Variants in ZMYND8 observed in about 807,000 individuals in gnomAD.
ZMYND8 encodes the protein zinc finger MYND-type containing 8.
A neutral mutation model predicts 140.8 loss-of-function variants in ZMYND8; 37 were observed. That is an observed-to-expected ratio of 0.26 (90% CI 0.20 to 0.35). ZMYND8 has a LOEUF of 0.35. Ranked by LOEUF, ZMYND8 falls within the 10% of genes least tolerant of loss-of-function variation. ZMYND8 has a pLI of 1.00. For synonymous variants in ZMYND8, 592 were observed against 597.1 expected (o/e 0.99, Z 0.12); for missense variants, 1,068 against 1,570.0 (o/e 0.68, Z 5.40).
In ZMYND8 at chr20:47,329,647, A is replaced by G. The variant is rs764603282; in HGVS notation, c.85+18209T>C. On this transcript the variant is annotated intron_variant, in intron 2 of 22. Coordinates refer to ENST00000471951, the MANE Select transcript of ZMYND8 (RefSeq NM_001281775.3). ...TCAAACTCCCAACCTCAGGTGATCCACCCACCTTGCCCTCCCAAAGTGCTG... is the reference window on the plus strand; with the variant it reads ...TCAAACTCCCAACCTCAGGTGATCCGCCCACCTTGCCCTCCCAAAGTGCTG... 4.3e-4 allele frequency among the ~76,000 whole-genome samples: 66 copies of G among 151,932 alleles called. 1 individual carries two copies. The highest frequency in any genetic ancestry group is 8.8e-4 in the Non-Finnish European group (60 of 67,944).
chr20:47,233,771 A>T (rs1338699997), intron 16 of ZMYND8, among the ~76,000 whole-genome samples: 1 of 152,322 alleles, frequency 6.6e-6, no homozygotes, highest in African/African-American at 2.4e-5. Flanking sequence ...ACACTTCATC[A>T]ATTTGTCAAG....
intron 12 of ZMYND8, among the ~76,000 whole-genome samples, chr20:47,256,591 G>C (rs183092436): frequency 3.7e-4 from 57 of 152,330 alleles, no homozygotes; most frequent in African/African-American, 1.4e-3. Flanking sequence ...CTGCACTCCA[G>C]CGTGGGCGAC....
intron 3 of ZMYND8, among the ~76,000 whole-genome samples, chr20:47,299,530 A>G (rs1368912982): frequency 6.6e-6 from 1 of 152,158 alleles, no homozygotes; most frequent in Non-Finnish European, 1.5e-5. Context: ...TAGAGAATAG[A>G]TCAATAGGGT....
At position 47,236,366 on chromosome 20, in the gene ZMYND8, G is replaced by A; in HGVS notation, c.2816C>T (p.Ser939Leu). Residue 939 changes from serine to leucine, a missense_variant, in exon 16 of 23, where the codon TCA (serine) becomes TTA (leucine). Physicochemically the swap from Ser to Leu is moderately radical, Grantham distance 145. Coordinates refer to ENST00000471951, the MANE Select transcript of ZMYND8 (RefSeq NM_001281775.3). ...GGCAATATCAGCGGCGACATCAGCT[G>A]AGGCAGTGGCGATGGGCAGGTCAGC... ...VNADLPIATA[S>L]ADVAADIAKY... 1 of 1,614,228 alleles carries A rather than the reference G, an allele frequency of 6.2e-7. No homozygotes were observed. The highest frequency in any genetic ancestry group is 8.5e-7 in the Non-Finnish European group (1 of 1,180,046).
intron 12 of ZMYND8, among the ~76,000 whole-genome samples, chr20:47,252,818 C>T (rs574063868): frequency 2.2e-4 from 33 of 152,166 alleles, no homozygotes; most frequent in African/African-American, 7.7e-4. Context: ...ACTCAGGAGG[C>T]TAAGGTGGGA....
In ZMYND8 at chr20:47,221,452, C is replaced by T. The variant is rs1242707414; in HGVS notation, c.3279G>A (p.Ala1093=). 2.5e-6 allele frequency: 4 copies of T among 1,613,932 alleles called. No individual in the cohort carries two copies. Among genetic ancestry groups the T allele is most frequent in the Admixed American group, 1.7e-5 (1 of 59,990 alleles). ...TQSATAPQQE[A]DAEVNTETLN... ...GTGTTTCTGTGTTCACCTCAGCATC[C>T]GCTTCCTGCTGAGGAGCAGTAGCTG... is the stretch of plus-strand genomic sequence containing the variant. The change falls in exon 20 of 23, where the codon GCG becomes GCA. Residue 1093 remains alanine (A), a synonymous_variant. Transcript: ENST00000471951.
chr20:47,276,942 G>A, intron 10 of ZMYND8, 147 bp from the exon 11 acceptor site: 1 of 848,422 alleles, frequency 1.2e-6, no homozygotes, highest in Non-Finnish European at 1.6e-6. Flanking sequence ...TGGTTTGAAG[G>A]ATTAATTAAT....
intron 12 of ZMYND8, among the ~76,000 whole-genome samples, chr20:47,253,998 G>A (rs994821897): frequency 6.6e-5 from 10 of 152,206 alleles, no homozygotes; most frequent in South Asian, 2.1e-4. Flanking sequence ...GAGTTTAGCC[G>A]AATGTAATGA....
intron 10 of ZMYND8, among the ~76,000 whole-genome samples, chr20:47,281,147 A>G (rs943254029): frequency 7.9e-5 from 12 of 152,194 alleles, no homozygotes; most frequent in African/African-American, 2.9e-4. Context: ...TCAAGGTGCA[A>G]TACTTCCTAC....
At chr20:47,238,579 G>T in intron 15 of ZMYND8, 179 bp downstream of exon 15, 1 of 1,191,660 alleles carries the variant, frequency 8.4e-7, no homozygotes, top group Non-Finnish European at 1.1e-6. Flanking sequence ...AAGTAAAAAA[G>T]CAAGTAGCAA....
chr20:47,243,711 T>C (rs2040224821), intron 14 of ZMYND8, among the ~76,000 whole-genome samples: 3 of 152,250 alleles, frequency 2.0e-5, no homozygotes, highest in Non-Finnish European at 4.4e-5. Flanking sequence ...CTTGTCAATC[T>C]GTTGCAAATT....
chr20:47,281,494 C>G (rs1383223422), intron 10 of ZMYND8, among the ~76,000 whole-genome samples: 3 of 152,186 alleles, frequency 2.0e-5, no homozygotes, highest in African/African-American at 4.8e-5. Context: ...ACCTGTTGTT[C>G]TCAAGCACAC....
intron 2 of ZMYND8, among the ~76,000 whole-genome samples, chr20:47,311,638 C>T (rs562688962): frequency 6.7e-6 from 1 of 150,362 alleles, no homozygotes; most frequent in African/African-American, 2.5e-5. Context: ...AAAGTTTTCA[C>T]GAACAATGGC....
At chr20:47,353,185 T>C (rs961860825) in intron 1 of ZMYND8, 1 of 152,142 alleles carries the variant, frequency 6.6e-6, no homozygotes, top group Non-Finnish European at 1.5e-5. Flanking sequence ...GTCACCCCAC[T>C]TCCTAAAAAG....
intron 21 of ZMYND8, among the ~76,000 whole-genome samples, chr20:47,214,269 A>G (rs950959744): frequency 1.3e-5 from 2 of 152,254 alleles, no homozygotes; most frequent in East Asian, 3.8e-4. Context: ...ACCTGTCAAC[A>G]CAAACTGCTT....
rs1028636735 is a variant in ZMYND8, at chr20:47,291,820, T to C, written c.636A>G (p.Pro212=). 1 of 1,613,040 alleles carries C rather than the reference T, an allele frequency of 6.2e-7. No individual in the cohort carries two copies. Among genetic ancestry groups the C allele is most frequent in the African/African-American group, 1.3e-5 (1 of 74,884 alleles). Residue 212 remains proline, a synonymous_variant, in exon 6 of 23, where the codon CCA becomes CCG. Coordinates refer to ENST00000471951, the MANE Select transcript of ZMYND8 (RefSeq NM_001281775.3). ...HPDYAEYIFH[P]MDLCTLEKNA... The stretch of plus-strand genomic sequence containing the variant: ...CCTTTTCCAATGTACAAAGGTCCAT[T>C]GGATGGAAGATGTATTCCGCATAGT...
At chr20:47,309,857 A>C (rs931791144) in intron 3 of ZMYND8, among the ~76,000 whole-genome samples, 199 bp downstream of exon 3, 7 of 152,056 alleles carry the variant, frequency 4.6e-5, no homozygotes, top group Admixed American at 4.6e-4. Context: ...TCTGTCCCCG[A>C]AACAGATCTG....
At chr20:47,300,348 G>A (rs1351659896) in intron 3 of ZMYND8, among the ~76,000 whole-genome samples, 5 of 152,044 alleles carry the variant, frequency 3.3e-5, no homozygotes, top group South Asian at 2.1e-4. Flanking sequence ...CCCTACCCTC[G>A]AATAAATCTC....
chr20:47,266,815 C>CTG lies in ZMYND8; in HGVS notation c.1481-4389_1481-4388dup, dbSNP rs149463962. ...CTATTCCTTTTATGTACAAAGCACT[C>CTG]TGTGTGTGTGTGTGTGGTGTGTGGT... is the stretch of plus-strand genomic sequence containing the variant. On this transcript the variant is annotated intron_variant, in intron 11 of 22. Transcript: ENST00000471951. 2.8e-3 allele frequency among the ~76,000 whole-genome samples: 425 copies of CTG among 151,190 alleles called. 2 individuals carry two copies. The highest frequency in any genetic ancestry group is 7.1e-3 in the South Asian group (34 of 4,780).
Sources: gnomAD v4.1 joint callset for allele counts (sites outside exome capture counted in the v4.1 genomes callset) on GRCh38, gnomAD v4.1.1 for gene constraint, MANE v1.5 for transcripts, NCBI Gene and HGNC (gene_info 2026-07-23, HGNC 2026-07-21) for gene names.